Variants in IFNL2 observed in about 807,000 individuals in gnomAD.
The protein encoded by IFNL2 is interferon lambda 2.
In IFNL2, 17 loss-of-function variants were observed where a neutral mutation model predicts 18.7. The ratio of observed to expected loss-of-function variants is 0.91; its 90% CI spans 0.62 to 1.36. IFNL2 has a LOEUF of 1.36. IFNL2 is among the 40% of genes most tolerant of loss of function. The probability of loss-of-function intolerance (pLI) is 0.00; values close to 1 mark genes in which losing one functional copy is unlikely to be tolerated. For missense variants in IFNL2, 225 were observed against 257.3 expected, an observed-to-expected ratio of 0.87 and a Z score of 0.86; for synonymous variants, 96 against 113.4, an observed-to-expected ratio of 0.85 and a Z score of 0.98.
chr19:39,269,317 GTC>G (rs1491292925), intron 3 of IFNL2, 88 bp downstream of exon 3: 31 of 1,497,894 alleles, frequency 2.1e-5, no homozygotes, highest in South Asian at 3.7e-5. Context: ...TTTCTCCCTT[GTC>G]TCTCTCTCTT....
Position 39,268,696 on chromosome 19 carries a change from G to A in IFNL2, c.30G>A (p.Thr10=), listed in dbSNP as rs371778513. 7.3e-5 allele frequency: 118 copies of A among 1,613,018 alleles called. 2 individuals carry two copies. The African/African-American group carries it at 1.1e-3, about 15-fold the overall frequency. MKLDMTGDC[T]PVLVLMAAVL... Reference sequence around the variant, plus strand: ...ACACAGACATGACTGGGGACTGCACGCCAGTGCTGGTGCTGATGGCCGCAG... The same window carrying A: ...ACACAGACATGACTGGGGACTGCACACCAGTGCTGGTGCTGATGGCCGCAG... Residue 10 remains threonine (T), a synonymous_variant, in exon 2 of 6, where the codon ACG becomes ACA. Transcript: ENST00000331982.
At chr19:39,269,858 G>T (rs2144996626) in intron 5 of IFNL2, 37 bp downstream of exon 5, 1 of 1,607,942 alleles carries the variant, frequency 6.2e-7, no homozygotes, top group Non-Finnish European at 8.5e-7. Context: ...GAGGTCTGGG[G>T]AGCCACTGGG....
intron 1 of IFNL2, 41 bp downstream of exon 1, chr19:39,268,619 C>G: frequency 6.2e-7 from 1 of 1,613,702 alleles, no homozygotes. Context: ...TCCTGCAGCC[C>G]CTGCCCTCAG....
Position 39,269,030 on chromosome 19 carries a change from T to C in IFNL2, c.193-122T>C, listed in dbSNP as rs550650355. 169 of 1,355,810 alleles carry C rather than the reference T, an allele frequency of 1.2e-4. 1 individual carries two copies. In the South Asian group the frequency reaches 2.2e-3, roughly 18 times the overall value. 84.0% of individuals were successfully genotyped at this position (1,355,810 alleles called of 1,614,324 possible). On this transcript the variant is annotated intron_variant, in intron 2 of 5. Coordinates refer to ENST00000331982, the MANE Select transcript of IFNL2 (RefSeq NM_172138.2). Reference sequence around the variant, plus strand: ...ACTCATGTTTTCCTGTAGAAGAGGGTCCTCTACCATCCTCCCAGCAGTTAA... The same window carrying C: ...ACTCATGTTTTCCTGTAGAAGAGGGCCCTCTACCATCCTCCCAGCAGTTAA...
In IFNL2 at chr19:39,269,624, A is replaced by G. The variant is rs758630545; in HGVS notation, c.407A>G (p.Gln136Arg). The G allele has an allele frequency of 6.2e-7, 1 of 1,614,030 alleles. No individual in the cohort carries two copies. Among genetic ancestry groups the G allele is most frequent in the Non-Finnish European group, 8.5e-7 (1 of 1,180,002 alleles). Residue 136 changes from glutamine (Q) to arginine (R), a missense_variant, in exon 4 of 6, where the codon CAG becomes CGG. Coordinates refer to ENST00000331982, the MANE Select transcript of IFNL2 (RefSeq NM_172138.2). ...CACACCCTGCACCATATCCTCTCCC[A>G]GTTCCGGGCCTGTGTGAGTCGTTGG... ...PLHTLHHILS[Q>R]FRACIQPQPT...
At position 39,269,770 on chromosome 19, in the gene IFNL2, C is replaced by A; in HGVS notation, c.453C>A (p.Thr151=). 1 of 1,609,604 alleles carries A rather than the reference C, an allele frequency of 6.2e-7. No homozygotes were observed. Among genetic ancestry groups the A allele is most frequent in the African/African-American group, 1.3e-5 (1 of 74,878 alleles). Residue 151 remains threonine (T), a synonymous_variant, in exon 5 of 6, where the codon ACC becomes ACA. Coordinates refer to ENST00000331982, the MANE Select transcript of IFNL2 (RefSeq NM_172138.2). ...IQPQPTAGPR[T]RGRLHHWLYR... is the part of the protein sequence containing the mutation. ...CTCAGCCCACGGCAGGGCCCAGGAC[C>A]CGGGGCCGCCTCCACCATTGGCTGT...
In IFNL2 at chr19:39,268,850, G is replaced by A. The variant is rs1414690886; in HGVS notation, c.184G>A (p.Asp62Asn). ...GCTGCAGGCCTTTAAGAGGGCCAAA[G>A]ATGCCTTAGTGAGTCTCCCCCTGCC... ...QELQAFKRAK[D>N]ALEESLLLKD... is the part of the protein sequence containing the mutation. Residue 62 changes from aspartate to asparagine, a missense_variant, in exon 2 of 6, where the codon GAT becomes AAT. Physicochemically the swap from Asp to Asn is conservative, Grantham distance 23. Transcript: ENST00000331982. 9 of 1,612,098 alleles carry A rather than the reference G, an allele frequency of 5.6e-6. No homozygotes were observed. Among genetic ancestry groups the A allele is most frequent in the African/African-American group, 2.7e-5 (2 of 74,744 alleles).
intron 2 of IFNL2, 67 bp downstream of exon 2, chr19:39,268,925 T>C (rs1156332313): frequency 2.6e-5 from 41 of 1,555,528 alleles, no homozygotes; most frequent in South Asian, 2.1e-4. Flanking sequence ...CACCATGCTT[T>C]CCCACTCCCA....
intron 3 of IFNL2, 46 bp from the exon 4 acceptor site, chr19:39,269,442 T>C (rs918001846): frequency 6.2e-7 from 1 of 1,607,730 alleles, no homozygotes; most frequent in Non-Finnish European, 8.5e-7. Flanking sequence ...CCCCAACCTG[T>C]TCCCCTCACC....
At chr19:39,269,366 C>G in intron 3 of IFNL2, 122 bp from the exon 4 acceptor site, 4 of 1,496,714 alleles carry the variant, frequency 2.7e-6, no homozygotes, top group Non-Finnish European at 3.6e-6. Flanking sequence ...CCGCTCCCAC[C>G]TGACCACACT....
chr19:39,269,531 C>A lies in IFNL2; in HGVS notation c.314C>A (p.Thr105Lys). 6.2e-7 allele frequency: 1 copy of A among 1,614,228 alleles called. No individual in the cohort carries two copies. Among genetic ancestry groups the A allele is most frequent in the Non-Finnish European group, 8.5e-7 (1 of 1,180,036 alleles). ...PMALEAELAL[T>K]LKVLEATADT... Reference sequence around the variant, plus strand: ...GCTTTGGAGGCTGAGCTGGCCCTGACGCTGAAGGTTCTGGAGGCCACCGCT... The same window carrying A: ...GCTTTGGAGGCTGAGCTGGCCCTGAAGCTGAAGGTTCTGGAGGCCACCGCT... Residue 105 changes from threonine (T) to lysine (K), a missense_variant, in exon 4 of 6, where the codon ACG becomes AAG. Coordinates refer to ENST00000331982, the MANE Select transcript of IFNL2 (RefSeq NM_172138.2).
Position 39,269,503 on chromosome 19 carries a change from A to G in IFNL2, c.286A>G (p.Met96Val), listed in dbSNP as rs11670676. ...CTCTCCTCAGGTGAGGGAGCGCCCC[A>G]TGGCTTTGGAGGCTGAGCTGGCCCT... ...LRQLQVRERPMALEAELALTL... is the reference protein window; with the variant it reads ...LRQLQVRERPVALEAELALTL... The change falls in exon 4 of 6, where the codon ATG (methionine) becomes GTG (valine). Residue 96 changes from methionine to valine, a missense_variant. Transcript: ENST00000331982. The G allele has an allele frequency of 6.5e-4, 1,054 of 1,613,714 alleles. 3 individuals carry two copies. The highest frequency in any genetic ancestry group is 5.3e-3 in the African/African-American group (396 of 74,852).
chr19:39,269,960 C>A lies in IFNL2; in HGVS notation c.550C>A (p.Arg184Ser). ...LEASVTFNLFRLLTRDLNCVA... is the reference protein window; with the variant it reads ...LEASVTFNLFSLLTRDLNCVA... ...GGCCTCTGTCACCTTCAACCTCTTC[C>A]GCCTCCTCACGCGAGACCTGAATTG... is the stretch of plus-strand genomic sequence containing the variant. The change falls in exon 6 of 6, where the codon CGC becomes AGC. Residue 184 changes from arginine to serine, a missense_variant. Physicochemically the swap from Arg to Ser is moderately radical, Grantham distance 110. Transcript: ENST00000331982. 1 of 1,602,574 alleles carries A rather than the reference C, an allele frequency of 6.2e-7. No homozygotes were observed. Among genetic ancestry groups the A allele is most frequent in the Non-Finnish European group, 8.5e-7 (1 of 1,174,354 alleles).
Position 39,269,477 on chromosome 19 carries a change from C to T in IFNL2, c.271-11C>T, listed in dbSNP as rs780460286. On this transcript the variant is annotated splice_polypyrimidine_tract_variant and intron_variant, in intron 3 of 5. Coordinates refer to ENST00000331982, the MANE Select transcript of IFNL2 (RefSeq NM_172138.2). ...CTCCCCCCTCACCTGCTCTTTCTCA[C>T]CTCTCCTCAGGTGAGGGAGCGCCCC... 11 of 1,614,000 alleles carry T rather than the reference C, an allele frequency of 6.8e-6. No homozygotes were observed. The highest frequency in any genetic ancestry group is 1.6e-4 in the Middle Eastern group (1 of 6,082).
Position 39,270,126 on chromosome 19 carries a change from C to A in IFNL2, c.*113C>A. The A allele has an allele frequency of 8.5e-7, 1 of 1,179,814 alleles. No individual in the cohort carries two copies. Among genetic ancestry groups the A allele is most frequent in the Non-Finnish European group, 1.2e-6 (1 of 836,766 alleles). The allele number at this position is 1,179,814 out of a possible 1,614,324, so 73.1% of individuals were successfully genotyped here. A position where few individuals can be genotyped will look rare whatever the true frequency, so the allele number is the denominator to read the frequency against. ...TTGTGTGTGTAAATCCAACTCACCT[C>A]CAGGAAAATGTTTATTTTTCTACTT... On this transcript the variant is annotated 3_prime_UTR_variant, in exon 6 of 6. Transcript: ENST00000331982.
rs750166522 is a variant in IFNL2 at position 39,269,113 on chromosome 19, C to T, written c.193-39C>T. On this transcript the variant is annotated intron_variant, in intron 2 of 5. Transcript: ENST00000331982. ...TCCCACCAGGATGGTCTAACCTCCACCCCTCCTGCTGGGGCTAACCTGTGC... is the reference window on the plus strand; with the variant it reads ...TCCCACCAGGATGGTCTAACCTCCATCCCTCCTGCTGGGGCTAACCTGTGC... The T allele has an allele frequency of 5.6e-6, 9 of 1,596,824 alleles. 1 individual carries two copies. The South Asian group carries it at 6.7e-5, about 12-fold the overall frequency.
Position 39,269,795 on chromosome 19 carries a change from T to C in IFNL2, c.478T>C (p.Tyr160His), listed in dbSNP as rs59746524. The part of the protein sequence containing the change: ...RTRGRLHHWL[Y>H]RLQEAPKKES... Reference sequence around the variant, plus strand: ...CCGGGGCCGCCTCCACCATTGGCTGTACCGGCTCCAGGAGGCCCCAAAAAA... The same window carrying C: ...CCGGGGCCGCCTCCACCATTGGCTGCACCGGCTCCAGGAGGCCCCAAAAAA... The change falls in exon 5 of 6, where the codon TAC becomes CAC. Residue 160 changes from tyrosine to histidine, a missense_variant. By Grantham distance (83) the Tyr-to-His change is moderately conservative (BLOSUM62 2). Transcript: ENST00000331982. 0.17 allele frequency: 234,217 copies of C among 1,414,318 alleles called. 35,803 individuals are homozygous for C. The highest frequency in any genetic ancestry group is 0.29 in the South Asian group (23,227 of 80,020). 87.6% of individuals were successfully genotyped at this position (1,414,318 alleles called of 1,614,324 possible).
Position 39,268,583 on chromosome 19 carries a change from G to T in IFNL2, c.10+5G>T, listed in dbSNP as rs1483862147. 3 of 1,613,170 alleles carry T rather than the reference G, an allele frequency of 1.9e-6. No homozygotes were observed. On this transcript the variant is annotated splice_donor_5th_base_variant and intron_variant, in intron 1 of 5. Coordinates refer to ENST00000331982, the MANE Select transcript of IFNL2 (RefSeq NM_172138.2). ...AGAGATCAGGAATGAAACTAGGTGA[G>T]TCCCACATCTCTGTCCGTGCTCAGC...
chr19:39,268,436 A>C lies in IFNL2; in HGVS notation c.-133A>C. ...GACAGAGCTCAAAACTGACAGAAAG[A>C]GTCAAAGCCAGGACACAGTCTGAGA... On this transcript the variant is annotated 5_prime_UTR_variant, in exon 1 of 6. Transcript: ENST00000331982. The C allele has an allele frequency of 1.3e-6, 1 of 786,184 alleles. No homozygotes were observed. Among genetic ancestry groups the C allele is most frequent in the South Asian group, 1.7e-5 (1 of 57,552 alleles). 48.7% of individuals were successfully genotyped at this position (786,184 alleles called of 1,614,324 possible).
Sources: allele counts gnomAD v4.1 joint callset, GRCh38; gene constraint gnomAD v4.1.1; transcripts MANE v1.5; gene names NCBI Gene and HGNC (gene_info 2026-07-23, HGNC 2026-07-21).